The following MOBP variants were observed in gnomAD, a reference collection of about 807,000 sequenced individuals.
MOBP encodes the protein myelin associated oligodendrocyte basic protein.
MOBP carries 5 observed loss-of-function variants against 15.0 expected under a neutral mutation model. The observed-to-expected ratio is 0.33, with a 90% CI of 0.17 to 0.70. The LOEUF (loss-of-function observed/expected upper bound fraction) is 0.70. MOBP is among the 30% of genes least tolerant of loss of function. MOBP has a pLI of 0.67. For synonymous variants in MOBP, 88 were observed against 99.0 expected (o/e 0.89, Z 0.66); for missense variants, 188 against 257.8 (o/e 0.73, Z 1.85).
At chr3:39,525,271 T>C (rs1241696356), downstream of MOBP, 1 of 152,226 alleles carries the variant, frequency 6.6e-6, no homozygotes, top group African/African-American at 2.4e-5. Flanking sequence ...TTATATGTCT[T>C]AGAAAACAAA....
chr3:39,478,931 G>T (rs576135714), intron 1 of MOBP, among the ~76,000 whole-genome samples: 25 of 151,952 alleles, frequency 1.6e-4, no homozygotes, highest in African/African-American at 5.8e-4. Flanking sequence ...CCGGGTTCAA[G>T]CAATTCTCCT....
rs77257628 is a variant in MOBP at position 39,480,231 on chromosome 3, G to A, written c.-5+108G>A. 1.2e-4 allele frequency: 18 copies of A among 152,226 alleles called. No individual in the cohort carries two copies. In the East Asian group the frequency reaches 2.9e-3, roughly 24 times the overall value. The allele number at this position is 152,226 out of a possible 1,614,324, so 9.4% of individuals were successfully genotyped here. ...GAATGCAGAATCAGCAAAAGAATGA[G>A]CAATCAAATTTTCAGTAAGAGTTAA... On this transcript the variant is annotated intron_variant, in intron 2 of 3. Transcript: ENST00000684792.
At chr3:39,471,484 C>A (rs2042468615) in intron 1 of MOBP, among the ~76,000 whole-genome samples, 1 of 152,208 alleles carries the variant, frequency 6.6e-6, no homozygotes, top group South Asian at 2.1e-4. Flanking sequence ...CTTGGGAACT[C>A]CCATGGGTAG....
intron 2 of MOBP, among the ~76,000 whole-genome samples, chr3:39,486,745 C>T (rs150067979): frequency 9.0e-4 from 137 of 152,206 alleles, no homozygotes; most frequent in African/African-American, 3.2e-3. Context: ...CCATGACTTC[C>T]TCCTCTGTAA....
chr3:39,528,116 A>G (rs573621785), downstream of MOBP: 3 of 152,318 alleles, frequency 2.0e-5, no homozygotes, highest in East Asian at 5.8e-4. Flanking sequence ...GGATTCATAA[A>G]CTTTTTATTA....
At chr3:39,500,309 T>C (rs1223807963) in intron 2 of MOBP, among the ~76,000 whole-genome samples, 1 of 152,246 alleles carries the variant, frequency 6.6e-6, no homozygotes, top group African/African-American at 2.4e-5. Flanking sequence ...CCAAAGTGTA[T>C]AGTAAATGTT....
intron 2 of MOBP, among the ~76,000 whole-genome samples, chr3:39,494,732 T>C (rs2042850165): frequency 6.6e-6 from 1 of 151,894 alleles, no homozygotes; most frequent in Admixed American, 6.6e-5. Flanking sequence ...GCAAGTTATT[T>C]ACATTAGTTA....
chr3:39,488,960 A>T (rs186217707), intron 2 of MOBP, among the ~76,000 whole-genome samples: 20 of 152,252 alleles, frequency 1.3e-4, no homozygotes, highest in African/African-American at 4.8e-4. Flanking sequence ...TTTAGTGAAG[A>T]TCTTTCAACA....
At chr3:39,476,889 TA>T (rs1044373588) in intron 1 of MOBP, among the ~76,000 whole-genome samples, 1 of 151,888 alleles carries the variant, frequency 6.6e-6, no homozygotes, top group Non-Finnish European at 1.5e-5. Context: ...CATTGACCAT[TA>T]AAAAAAATTT....
At chr3:39,521,789 G>T (rs1162177357) in intron 3 of MOBP, among the ~76,000 whole-genome samples, 2 of 152,214 alleles carry the variant, frequency 1.3e-5, no homozygotes, top group African/African-American at 4.8e-5. Context: ...CAAAACTCAT[G>T]CAACTACCTC....
downstream of MOBP, chr3:39,527,823 G>A (rs1382153545): frequency 6.6e-6 from 1 of 152,196 alleles, no homozygotes; most frequent in Non-Finnish European, 1.5e-5. Flanking sequence ...TGAGCTGTTA[G>A]TTTCTTTGGT....
chr3:39,498,674 T>C (rs2042922469), intron 2 of MOBP, among the ~76,000 whole-genome samples: 1 of 152,060 alleles, frequency 6.6e-6, no homozygotes, highest in Non-Finnish European at 1.5e-5. Flanking sequence ...CATTTTCAGG[T>C]GGTTGTGTTA....
chr3:39,490,725 G>T (rs140276195), intron 2 of MOBP, among the ~76,000 whole-genome samples: 1 of 152,226 alleles, frequency 6.6e-6, no homozygotes, highest in East Asian at 1.9e-4. Context: ...ACCACCCTTG[G>T]CTAATTTTTG....
chr3:39,487,141 G>A (rs1707944), intron 2 of MOBP, among the ~76,000 whole-genome samples: 54,021 of 151,584 alleles, frequency 0.36, 13,406 homozygotes, highest in African/African-American at 0.71. Flanking sequence ...TAGTCTTGCT[G>A]TGTTGCCCAG....
chr3:39,496,269 G>A (rs2042880244), intron 2 of MOBP, among the ~76,000 whole-genome samples: 1 of 148,444 alleles, frequency 6.7e-6, no homozygotes, highest in Non-Finnish European at 1.5e-5. Flanking sequence ...CCCGATCTCG[G>A]CTCAGTGCAA....
At chr3:39,468,792 G>GTATACATATATACATATATACA (rs1377201178) in intron 1 of MOBP, among the ~76,000 whole-genome samples, 2 of 46,036 alleles carry the variant, frequency 4.3e-5, no homozygotes, top group Non-Finnish European at 8.2e-5. Flanking sequence ...ATACATGTGT[G>GTATACATATATACATATATACA]TGTATATATA....
At chr3:39,498,977 C>A (rs1478914705) in intron 2 of MOBP, among the ~76,000 whole-genome samples, 1 of 152,176 alleles carries the variant, frequency 6.6e-6, no homozygotes. Flanking sequence ...GGCTTCAAAT[C>A]TCCTTCTTAT....
downstream of MOBP, among the ~76,000 whole-genome samples, chr3:39,518,132 C>G (rs2043224994): frequency 6.6e-6 from 1 of 152,244 alleles, no homozygotes; most frequent in South Asian, 2.1e-4. Context: ...CATATGCACT[C>G]TCTTAAGAGT....
rs533685940 is a variant in MOBP at position 39,468,944 on chromosome 3, A to G, written c.-89+1204A>G. Among the ~76,000 whole-genome samples the G allele has an allele frequency of 1.4e-4, 16 of 114,452 alleles. 1 individual carries two copies. The highest frequency in any genetic ancestry group is 4.2e-4 in the Admixed American group (5 of 11,954). 75.1% of individuals were successfully genotyped at this position (114,452 alleles called of 152,430 possible). On this transcript the variant is annotated intron_variant, in intron 1 of 3. Transcript: ENST00000684792. ...ATATATACATATATACATTGTGTGT[A>G]TATATACATATATACATATGTGTGT...
Sources: allele counts gnomAD v4.1 joint callset (sites outside exome capture counted in the v4.1 genomes callset), GRCh38; gene constraint gnomAD v4.1.1; transcripts MANE v1.5; gene names NCBI Gene and HGNC (gene_info 2026-07-23, HGNC 2026-07-21).